Variants in FYCO1 observed in about 807,000 individuals in gnomAD.
FYCO1 encodes FYVE and coiled-coil domain-containing protein 1.
In FYCO1, 122 loss-of-function variants were observed where a neutral mutation model predicts 165.1. The observed-to-expected ratio is 0.74, with a 90% CI of 0.64 to 0.86. The LOEUF is 0.86. Among genes scored for constraint, FYCO1 ranks in the 40% least tolerant of loss-of-function variants. The probability of loss-of-function intolerance (pLI) is 0.00; values close to 1 mark genes in which losing one functional copy is unlikely to be tolerated. For missense variants in FYCO1, 1,702 were observed against 1,810.3 expected (o/e 0.94, Z 1.09); for synonymous variants, 648 against 742.5 (o/e 0.87, Z 2.07).
At chr3:45,937,307 C>T (rs1703951293) in intron 14 of FYCO1, among the ~76,000 whole-genome samples, 1 of 152,228 alleles carries the variant, frequency 6.6e-6, no homozygotes, top group African/African-American at 2.4e-5. Flanking sequence ...TGCAGTGTGG[C>T]TTCTTTCTAA....
At chr3:45,994,632 T>C (rs927029681) in intron 1 of FYCO1, among the ~76,000 whole-genome samples, 1 of 152,154 alleles carries the variant, frequency 6.6e-6, no homozygotes, top group Non-Finnish European at 1.5e-5. Context: ...CTTGGCATGA[T>C]AGCTCCAGCT....
rs544074827 is a variant in FYCO1 at position 45,964,301 on chromosome 3, A to C, written c.3269+35T>G. On this transcript the variant is annotated intron_variant, in intron 10 of 17. Transcript: ENST00000296137. This position sits in a 1 kb window ranked among gnomAD's most constrained non-coding sequence, Gnocchi z 4.1. Reference sequence around the variant, plus strand: ...GAGACCAAACACTCCTTCCCTGAAGACTACCGACAGCTACGTAGGTGGACT... The same window carrying C: ...GAGACCAAACACTCCTTCCCTGAAGCCTACCGACAGCTACGTAGGTGGACT... The C allele has an allele frequency of 5.9e-4, 876 of 1,477,136 alleles. No homozygotes were observed. The highest frequency in any genetic ancestry group is 7.4e-4 in the Non-Finnish European group (785 of 1,054,884). 91.5% of individuals were successfully genotyped at this position (1,477,136 alleles called of 1,614,324 possible).
intron 16 of FYCO1, among the ~76,000 whole-genome samples, chr3:45,925,540 A>G (rs563030442): frequency 1.6e-4 from 24 of 152,390 alleles, no homozygotes; most frequent in African/African-American, 5.8e-4. Flanking sequence ...AATCCAAAAT[A>G]GTTGTTAATA....
intron 11 of FYCO1, among the ~76,000 whole-genome samples, chr3:45,960,240 C>G (rs151203135): frequency 1.3e-3 from 193 of 152,280 alleles, no homozygotes; most frequent in Middle Eastern, 6.8e-3. Flanking sequence ...AAGTTTAGTT[C>G]TTTCTCGTAT....
chr3:45,950,503 G>C (rs1051913682), intron 14 of FYCO1, among the ~76,000 whole-genome samples: 8 of 152,256 alleles, frequency 5.3e-5, no homozygotes, highest in African/African-American at 1.9e-4. Flanking sequence ...CCCTACTGGA[G>C]GGGTGGAGGC....
rs373073127 is a variant in FYCO1, at chr3:45,967,118, T to G, written c.2216A>C (p.Gln739Pro). The change falls in exon 8 of 18, where the codon CAG becomes CCG. Residue 739 changes from glutamine to proline, a missense_variant. Coordinates refer to ENST00000296137, the MANE Select transcript of FYCO1 (RefSeq NM_024513.4). ...GAGGACCTCAATCAGCTGGGTCTGC[T>G]GCTGGCACTGGCTCTCGAGAGCCCT... ...ELRALESQCQ[Q>P]QTQLIEVLTA... 5 of 1,613,910 alleles carry G rather than the reference T, an allele frequency of 3.1e-6. No homozygotes were observed. Among genetic ancestry groups the G allele is most frequent in the African/African-American group, 1.3e-5 (1 of 74,944 alleles).
intron 1 of FYCO1, among the ~76,000 whole-genome samples, chr3:45,985,633 G>A (rs1707279336): frequency 6.6e-6 from 1 of 152,250 alleles, no homozygotes; most frequent in Non-Finnish European, 1.5e-5. Context: ...CTCAGCCTGG[G>A]TGTGCAGATG....
intron 14 of FYCO1, among the ~76,000 whole-genome samples, chr3:45,953,478 T>C (rs1705140879): frequency 6.6e-6 from 1 of 152,244 alleles, no homozygotes. Context: ...TCATAAACTC[T>C]TGACATTTTA....
In FYCO1 at chr3:45,958,463, C is replaced by T. The variant is rs1221875074; in HGVS notation, c.3744G>A (p.Glu1248=). The change falls in exon 13 of 18, where the codon GAG becomes GAA. Residue 1248 remains glutamate (E), a synonymous_variant. Coordinates refer to ENST00000296137, the MANE Select transcript of FYCO1 (RefSeq NM_024513.4). ...DSSGSGTSQG[E]PSPALSPASP... is the part of the protein sequence containing the mutation. Reference sequence around the variant, plus strand: ...AGGCTGGTGACAGTGCAGGGCTGGGCTCTCCCTGGCTAGTGCCTGAGCCAC... The same window carrying T: ...AGGCTGGTGACAGTGCAGGGCTGGGTTCTCCCTGGCTAGTGCCTGAGCCAC... 3 of 1,613,396 alleles carry T rather than the reference C, an allele frequency of 1.9e-6. No individual in the cohort carries two copies. The highest frequency in any genetic ancestry group is 2.7e-5 in the African/African-American group (2 of 75,040).
At chr3:45,941,051 T>C (rs561771456) in intron 14 of FYCO1, 16 of 152,348 alleles carry the variant, frequency 1.1e-4, no homozygotes, top group African/African-American at 3.9e-4. Context: ...TCTCAGCTCA[T>C]CCTGGTGACT....
chr3:45,929,584 A>G (rs1703492685), intron 16 of FYCO1, among the ~76,000 whole-genome samples: 1 of 152,058 alleles, frequency 6.6e-6, no homozygotes, highest in Non-Finnish European at 1.5e-5. Context: ...GTTAGTGTGG[A>G]GCTGACAGGC....
At chr3:45,929,061 T>C (rs1703464683) in intron 16 of FYCO1, among the ~76,000 whole-genome samples, 1 of 152,238 alleles carries the variant, frequency 6.6e-6, no homozygotes, top group South Asian at 2.1e-4. Flanking sequence ...AGGAGTGCAC[T>C]CGGGGAGTCC....
chr3:45,923,695 G>T lies in FYCO1; in HGVS notation c.4322C>A (p.Pro1441His), dbSNP rs1455632930. ...NIQGQLKVRT[P>H]GIYMLIFDNT... ...GTCGAAGATGAGCATGTAGATGCCGGGTGTGCGAACCTTGAGCTGGCCCTG... is the reference window on the plus strand; with the variant it reads ...GTCGAAGATGAGCATGTAGATGCCGTGTGTGCGAACCTTGAGCTGGCCCTG... Residue 1441 changes from proline to histidine, a missense_variant, in exon 17 of 18, where the codon CCC becomes CAC. Transcript: ENST00000296137. 1.2e-6 allele frequency: 2 copies of T among 1,614,120 alleles called. No homozygotes were observed. Among genetic ancestry groups the T allele is most frequent in the Non-Finnish European group, 1.7e-6 (2 of 1,179,972 alleles).
intron 4 of FYCO1, among the ~76,000 whole-genome samples, chr3:45,979,031 G>T (rs370487188): frequency 2.6e-5 from 4 of 151,886 alleles, no homozygotes; most frequent in East Asian, 3.9e-4. Flanking sequence ...TAATTTTTTT[G>T]TGTGTTTTTT....
chr3:45,991,125 T>A (rs1707543096), intron 1 of FYCO1, among the ~76,000 whole-genome samples: 2 of 152,192 alleles, frequency 1.3e-5, no homozygotes, highest in African/African-American at 4.8e-5. Flanking sequence ...ATTTTTCAAT[T>A]TTCCTTTATT....
chr3:45,969,714 G>A lies in FYCO1; in HGVS notation c.591C>T (p.Arg197=), dbSNP rs1472968125. The change falls in exon 7 of 18, where the codon CGC becomes CGT. Residue 197 remains arginine (R), a synonymous_variant. Coordinates refer to ENST00000296137, the MANE Select transcript of FYCO1 (RefSeq NM_024513.4). The part of the protein sequence containing the change: ...SSAYLWKPPS[R]SSSMSSLVSS... Reference sequence around the variant, plus strand: ...TCACCAAGCTGCTCATGCTGGAGCTGCGGCTAGGGGGTTTCCACAGGTAAG... The same window carrying A: ...TCACCAAGCTGCTCATGCTGGAGCTACGGCTAGGGGGTTTCCACAGGTAAG... 1 of 1,614,094 alleles carries A rather than the reference G, an allele frequency of 6.2e-7. No homozygotes were observed. Among genetic ancestry groups the A allele is most frequent in the East Asian group, 2.2e-5 (1 of 44,888 alleles).
chr3:45,931,717 C>T (rs924927275), intron 15 of FYCO1, among the ~76,000 whole-genome samples: 54 of 152,332 alleles, frequency 3.5e-4, no homozygotes, highest in African/African-American at 1.2e-3. Flanking sequence ...TTCCCTGCCT[C>T]GCCCTTTCAC....
At position 45,966,827 on chromosome 3, in the gene FYCO1, G is replaced by T. The variant is rs766825040; in HGVS notation, c.2507C>A (p.Ala836Asp). The T allele has an allele frequency of 1.6e-5, 25 of 1,611,030 alleles. No individual in the cohort carries two copies. Among genetic ancestry groups the T allele is most frequent in the Middle Eastern group, 1.6e-4 (1 of 6,062 alleles). Reference protein sequence around the residue: ...LVQQLKEQNEALNRAHVQELL... With the variant: ...LVQQLKEQNEDLNRAHVQELL... ...CTCCTGGACATGGGCTCTGTTAAGG[G>T]CTTCATTCTGCTCCTTCAGCTGCTG... The change falls in exon 8 of 18, where the codon GCC becomes GAC. Residue 836 changes from alanine (A) to aspartate (D), a missense_variant. Transcript: ENST00000296137.
chr3:45,945,832 T>C (rs1704558011), intron 14 of FYCO1: 1 of 152,258 alleles, frequency 6.6e-6, no homozygotes, highest in Non-Finnish European at 1.5e-5. Flanking sequence ...TGTTTCCCCA[T>C]TAGTAGCCTT....
Sources: allele counts gnomAD v4.1 joint callset (sites outside exome capture counted in the v4.1 genomes callset), GRCh38; gene constraint gnomAD v4.1.1; non-coding constraint Gnocchi (gnomAD v3.1); transcripts MANE v1.5; gene names NCBI Gene and HGNC (gene_info 2026-07-23, HGNC 2026-07-21).